Variants in ZNF740 observed in about 807,000 individuals in gnomAD.
The protein encoded by ZNF740 is zinc finger protein 740, also known as oriLyt TD-element-binding protein 7.
ZNF740 carries 14 observed loss-of-function variants against 24.8 expected under a neutral mutation model. The observed-to-expected ratio is 0.56, with a 90% CI of 0.37 to 0.88. ZNF740 has a LOEUF of 0.88. Ranked by LOEUF, ZNF740 falls within the 40% of genes least tolerant of loss-of-function variation. The pLI is 0.00. For missense variants in ZNF740, 201 were observed against 247.9 expected, an observed-to-expected ratio of 0.81 and a Z score of 1.27; for synonymous variants, 69 against 84.0, an observed-to-expected ratio of 0.82 and a Z score of 0.98.
At chr12:53,185,798 G>T (rs368019395) in intron 4 of ZNF740, among the ~76,000 whole-genome samples, 156 bp from the exon 5 acceptor site, 1 of 152,332 alleles carries the variant, frequency 6.6e-6, no homozygotes, top group South Asian at 2.1e-4. Flanking sequence ...TCCCCAAAGG[G>T]TCTCTTACCT....
chr12:53,194,571 C>T lies in ZNF740; in HGVS notation c.*6981C>T. On this transcript the variant is annotated 3_prime_UTR_variant, in exon 7 of 7. Transcript: ENST00000416904. Reference sequence around the variant, plus strand: ...CTAATACAGCATTTCAGTGCAGCTGCCAGCAAGGGCCACTGAGGGTCACAG... The same window carrying T: ...CTAATACAGCATTTCAGTGCAGCTGTCAGCAAGGGCCACTGAGGGTCACAG... The T allele has an allele frequency of 2.1e-6, 1 of 470,294 alleles. No homozygotes were observed. The highest frequency in any genetic ancestry group is 3.9e-6 in the Non-Finnish European group (1 of 256,390). 29.1% of individuals were successfully genotyped at this position (470,294 alleles called of 1,614,324 possible). A position where few individuals can be genotyped will look rare whatever the true frequency, so the allele number is the denominator to read the frequency against.
chr12:53,187,814 T>C lies in ZNF740; in HGVS notation c.*224T>C. The C allele has an allele frequency of 1.9e-6, 1 of 534,930 alleles. No homozygotes were observed. The highest frequency in any genetic ancestry group is 5.1e-4 in the Middle Eastern group (1 of 1,974). 33.1% of individuals were successfully genotyped at this position (534,930 alleles called of 1,614,324 possible). ...CTCGGGGAAGTTCTTACAGCATTCC[T>C]GGGTAGGGGAGCTAGTCCCTGGACC... On this transcript the variant is annotated 3_prime_UTR_variant, in exon 7 of 7. Transcript: ENST00000416904.
In ZNF740 at chr12:53,192,247, T is replaced by G; in HGVS notation, c.*4657T>G. On this transcript the variant is annotated 3_prime_UTR_variant, in exon 7 of 7. Coordinates refer to ENST00000416904, the MANE Select transcript of ZNF740 (RefSeq NM_001004304.4). ...GTTCTGCTTCAGCCCCCAGCCTGTT[T>G]CCCATTATCTTCACTCTGCATCCCC... 6.9e-7 allele frequency: 1 copy of G among 1,443,170 alleles called. No individual in the cohort carries two copies. Among genetic ancestry groups the G allele is most frequent in the Non-Finnish European group, 9.7e-7 (1 of 1,035,788 alleles). The allele number at this position is 1,443,170 out of a possible 1,614,324, so 89.4% of individuals were successfully genotyped here. A position where few individuals can be genotyped will look rare whatever the true frequency, so the allele number is the denominator to read the frequency against.
At chr12:53,183,859 A>G (rs1431598459) in intron 2 of ZNF740, among the ~76,000 whole-genome samples, 2 of 152,036 alleles carry the variant, frequency 1.3e-5, no homozygotes, top group Non-Finnish European at 2.9e-5. Flanking sequence ...CCCCGTCTCT[A>G]TAAATACAAA....
chr12:53,187,389 C>CACGT, intron 6 of ZNF740, 112 bp from the exon 7 acceptor site: 1 of 834,776 alleles, frequency 1.2e-6, no homozygotes, highest in Non-Finnish European at 2.0e-6. Context: ...GCTGTCTGTG[C>CACGT]ACGTGCTGAG....
At chr12:53,184,146 T>TGCGCGC (rs1387799137) in intron 2 of ZNF740, among the ~76,000 whole-genome samples, 8 of 103,200 alleles carry the variant, frequency 7.8e-5, no homozygotes, top group African/African-American at 3.0e-4. Flanking sequence ...TGTGTGTGTG[T>TGCGCGC]GTGTGCGCGC....
In ZNF740 at chr12:53,193,831, AG is replaced by A. The variant is rs780600718; in HGVS notation, c.*6244del. The A allele has an allele frequency of 3.0e-5, 48 of 1,613,950 alleles. No homozygotes were observed. Among genetic ancestry groups the A allele is most frequent in the Non-Finnish European group, 3.8e-5 (45 of 1,180,002 alleles). ...CACAATCAGCTCCTCTGAGAAGCCA[AG>A]GGCCCGGAGCCTCAGGAGATGGGGC... On this transcript the variant is annotated 3_prime_UTR_variant, in exon 7 of 7. Transcript: ENST00000416904.
intron 2 of ZNF740, among the ~76,000 whole-genome samples, chr12:53,183,765 T>G (rs1248449028): frequency 1.3e-5 from 2 of 152,158 alleles, no homozygotes; most frequent in Non-Finnish European, 2.9e-5. Context: ...AGAAATAGCC[T>G]GTAGTCCCAG....
Position 53,181,800 on chromosome 12 carries a change from T to C in ZNF740, c.-184T>C. 1 of 732,878 alleles carries C rather than the reference T, an allele frequency of 1.4e-6. No individual in the cohort carries two copies. Among genetic ancestry groups the C allele is most frequent in the Non-Finnish European group, 2.2e-6 (1 of 452,814 alleles). The allele number at this position is 732,878 out of a possible 1,614,324, so 45.4% of individuals were successfully genotyped here. ...AGAGTCCAGGGATTCTTGGAACACC[T>C]ATCTTTTCTTCGGAGGACACTAAGT... On this transcript the variant is annotated 5_prime_UTR_variant, in exon 2 of 7. Coordinates refer to ENST00000416904, the MANE Select transcript of ZNF740 (RefSeq NM_001004304.4).
At chr12:53,181,336 CGCCTCTGTAAAGT>C (rs1262942615) in intron 1 of ZNF740, 1 of 985,426 alleles carries the variant, frequency 1.0e-6, no homozygotes, top group Non-Finnish European at 1.2e-6. Context: ...CTAGTCTTGC[CGCCTCTGTAAAGT>C]GCGAGCTTTT....
Position 53,193,130 on chromosome 12 carries a change from C to T in ZNF740, c.*5540C>T, listed in dbSNP as rs551837556. 3.8e-6 allele frequency: 6 copies of T among 1,599,008 alleles called. No individual in the cohort carries two copies. Among genetic ancestry groups the T allele is most frequent in the South Asian group, 2.2e-5 (2 of 90,018 alleles). On this transcript the variant is annotated 3_prime_UTR_variant, in exon 7 of 7. Transcript: ENST00000416904. ...TCAGACCCCGCCCTTCTCCCCAAGG[C>T]TCCAGGTACCTCCGCAGAGGATGCC... is the stretch of plus-strand genomic sequence containing the variant.
In ZNF740 at chr12:53,181,931, A is replaced by C; in HGVS notation, c.-53A>C. The C allele has an allele frequency of 6.3e-7, 1 of 1,593,050 alleles. No homozygotes were observed. The highest frequency in any genetic ancestry group is 8.6e-7 in the Non-Finnish European group (1 of 1,169,086). On this transcript the variant is annotated 5_prime_UTR_variant, in exon 2 of 7. Transcript: ENST00000416904. The stretch of plus-strand genomic sequence containing the variant: ...TTCAAAACGACAGTGTCTCAAGGAA[A>C]GGTGGACCTAGGAACTCCTGAACTT...
rs896224047 is a variant in ZNF740, at chr12:53,191,181, G to A, written c.*3591G>A. The A allele has an allele frequency of 1.4e-5, 4 of 275,906 alleles. No individual in the cohort carries two copies. Among genetic ancestry groups the A allele is most frequent in the South Asian group, 8.3e-5 (2 of 23,974 alleles). 17.1% of individuals were successfully genotyped at this position (275,906 alleles called of 1,614,324 possible). ...CTTCCTGGGTCCCAGGGTGCACCCCGGGAGTTTCCTGCACATTCGCGCTTG... is the reference window on the plus strand; with the variant it reads ...CTTCCTGGGTCCCAGGGTGCACCCCAGGAGTTTCCTGCACATTCGCGCTTG... On this transcript the variant is annotated 3_prime_UTR_variant, in exon 7 of 7. Coordinates refer to ENST00000416904, the MANE Select transcript of ZNF740 (RefSeq NM_001004304.4).
chr12:53,189,899 G>T lies in ZNF740; in HGVS notation c.*2309G>T, dbSNP rs1483668258. The stretch of plus-strand genomic sequence containing the variant: ...CTGCCACTTACAGCTAGTCTCTTTG[G>T]GATAGGGGTGTATGTGGAGAGATTC... On this transcript the variant is annotated 3_prime_UTR_variant, in exon 7 of 7. Transcript: ENST00000416904. 1 of 152,142 alleles carries T rather than the reference G, an allele frequency of 6.6e-6. No individual in the cohort carries two copies. Among genetic ancestry groups the T allele is most frequent in the South Asian group, 2.1e-4 (1 of 4,828 alleles). 9.4% of individuals were successfully genotyped at this position (152,142 alleles called of 1,614,324 possible).
chr12:53,180,859 CGCAGCGTCGTCCGTACAGACG>C (rs1390668259), intron 1 of ZNF740, 22 bp downstream of exon 1: 1 of 1,255,730 alleles, frequency 8.0e-7, no homozygotes, highest in African/African-American at 1.6e-5. Flanking sequence ...CCCCAAAGAC[CGCAGCGTCGTCCGTACAGACG>C]GCAGCGCTTC....
At position 53,187,669 on chromosome 12, in the gene ZNF740, C is replaced by T. The variant is rs749624074; in HGVS notation, c.*79C>T. 9.4e-6 allele frequency: 11 copies of T among 1,174,158 alleles called. No homozygotes were observed. Among genetic ancestry groups the T allele is most frequent in the Non-Finnish European group, 1.4e-5 (11 of 796,836 alleles). 72.7% of individuals were successfully genotyped at this position (1,174,158 alleles called of 1,614,324 possible). A position where few individuals can be genotyped will look rare whatever the true frequency, so the allele number is the denominator to read the frequency against. On this transcript the variant is annotated 3_prime_UTR_variant, in exon 7 of 7. Coordinates refer to ENST00000416904, the MANE Select transcript of ZNF740 (RefSeq NM_001004304.4). Reference sequence around the variant, plus strand: ...ACCCCCTCTGGTCTGATGGTCCCACCACCGCCCCATGTGAACCTGTCCCAC... The same window carrying T: ...ACCCCCTCTGGTCTGATGGTCCCACTACCGCCCCATGTGAACCTGTCCCAC...
In ZNF740 at chr12:53,193,634, G is replaced by T. The variant is rs1942050877; in HGVS notation, c.*6044G>T. 2 of 1,296,302 alleles carry T rather than the reference G, an allele frequency of 1.5e-6. No individual in the cohort carries two copies. Among genetic ancestry groups the T allele is most frequent in the Non-Finnish European group, 2.1e-6 (2 of 939,140 alleles). The allele number at this position is 1,296,302 out of a possible 1,614,324, so 80.3% of individuals were successfully genotyped here. A position where few individuals can be genotyped will look rare whatever the true frequency, so the allele number is the denominator to read the frequency against. On this transcript the variant is annotated 3_prime_UTR_variant, in exon 7 of 7. Coordinates refer to ENST00000416904, the MANE Select transcript of ZNF740 (RefSeq NM_001004304.4). ...GAGACTCCTGTGGGGGGGATGGAAA[G>T]CAGCGGAGGAATACGGGCCAGGGTT... is the stretch of plus-strand genomic sequence containing the variant.
Position 53,191,366 on chromosome 12 carries a change from A to G in ZNF740, c.*3776A>G. On this transcript the variant is annotated 3_prime_UTR_variant, in exon 7 of 7. Coordinates refer to ENST00000416904, the MANE Select transcript of ZNF740 (RefSeq NM_001004304.4). ...TGTATACTTGGGTGGGGTAGCCCAG[A>G]TGGATGCAAGGTTGCAGGCATGGGA... is the stretch of plus-strand genomic sequence containing the variant. 2 of 611,628 alleles carry G rather than the reference A, an allele frequency of 3.3e-6. No homozygotes were observed. Among genetic ancestry groups the G allele is most frequent in the South Asian group, 3.7e-5 (2 of 54,276 alleles). 37.9% of individuals were successfully genotyped at this position (611,628 alleles called of 1,614,324 possible).
Position 53,181,823 on chromosome 12 carries a change from A to G in ZNF740, c.-161A>G, listed in dbSNP as rs1941656294. On this transcript the variant is annotated 5_prime_UTR_variant, in exon 2 of 7. Transcript: ENST00000416904. ...CCTATCTTTTCTTCGGAGGACACTA[A>G]GTTCTATTTGAAGACAAAGTTCAAT... The G allele has an allele frequency of 1.1e-6, 1 of 871,834 alleles. No homozygotes were observed. Among genetic ancestry groups the G allele is most frequent in the African/African-American group, 1.7e-5 (1 of 58,606 alleles). The allele number at this position is 871,834 out of a possible 1,614,324, so 54.0% of individuals were successfully genotyped here.
Sources: allele counts gnomAD v4.1 joint callset (sites outside exome capture counted in the v4.1 genomes callset), GRCh38; gene constraint gnomAD v4.1.1; transcripts MANE v1.5; gene names NCBI Gene and HGNC (gene_info 2026-07-23, HGNC 2026-07-21).